The following CD200R1L variants were observed in gnomAD, a reference collection of about 807,000 sequenced individuals.
The protein encoded by CD200R1L is CD200 receptor 1 like.
CD200R1L carries 14 observed loss-of-function variants against 24.8 expected under a neutral mutation model. The observed-to-expected ratio is 0.56, with a 90% CI of 0.37 to 0.88. The LOEUF is 0.88. Among genes scored for constraint, CD200R1L ranks in the 40% least tolerant of loss-of-function variants. CD200R1L has a pLI of 0.00. For missense variants in CD200R1L, 299 were observed against 297.8 expected (o/e 1.00, Z -0.03); for synonymous variants, 111 against 109.2 (o/e 1.02, Z -0.11).
chr3:112,845,258 C>A (rs952721437), intron 2 of CD200R1L, among the ~76,000 whole-genome samples: 1 of 152,180 alleles, frequency 6.6e-6, no homozygotes, highest in African/African-American at 2.4e-5. Context: ...ATTATAAACA[C>A]CTCTATGCAC....
intron 3 of CD200R1L, among the ~76,000 whole-genome samples, chr3:112,837,125 AT>A (rs1396646373): frequency 6.6e-6 from 1 of 152,184 alleles, no homozygotes; most frequent in Non-Finnish European, 1.5e-5. Flanking sequence ...CCACTAGAAC[AT>A]TTATTTCATG....
At chr3:112,843,863 A>G (rs1208502550) in intron 2 of CD200R1L, among the ~76,000 whole-genome samples, 5 of 152,340 alleles carry the variant, frequency 3.3e-5, no homozygotes, top group Non-Finnish European at 5.9e-5. Context: ...AAAAAGATCT[A>G]TCACACAAAC....
At chr3:112,817,076 A>G (rs1162932580) in intron 7 of CD200R1L, among the ~76,000 whole-genome samples, 7 of 152,114 alleles carry the variant, frequency 4.6e-5, no homozygotes, top group African/African-American at 1.4e-4. Context: ...CCAGGTAACA[A>G]GCAATCTCTG....
At position 112,827,473 on chromosome 3, in the gene CD200R1L, C is replaced by A. The variant is rs142213153; in HGVS notation, c.261G>T (p.Ser87=). The change falls in exon 5 of 8, where the codon TCG becomes TCT. Residue 87 remains serine, a synonymous_variant. Coordinates refer to ENST00000488794, the MANE Select transcript of CD200R1L (RefSeq NM_001199215.3). ...TGTCCACCGGACGAATCTGAAGGTC[C>A]GAATTCTGATCAGGTCTAGAGACCC... The part of the protein sequence containing the change: ...ITWVSRPDQN[S]DLQIRPVDTT... 6.2e-6 allele frequency: 10 copies of A among 1,614,096 alleles called. No homozygotes were observed. The highest frequency in any genetic ancestry group is 8.5e-6 in the Non-Finnish European group (10 of 1,180,014).
chr3:112,819,745 T>A (rs763346886), intron 7 of CD200R1L, 27 bp downstream of exon 7: 5 of 1,578,164 alleles, frequency 3.2e-6, no homozygotes, highest in Non-Finnish European at 4.3e-6. Flanking sequence ...CTACTGTGTC[T>A]TATGCTTTTC....
intron 7 of CD200R1L, among the ~76,000 whole-genome samples, chr3:112,817,222 G>GTA (rs1228498582): frequency 6.6e-6 from 1 of 151,596 alleles, no homozygotes; most frequent in African/African-American, 2.4e-5. Flanking sequence ...ATTATATATA[G>GTA]TATATATATA....
At chr3:112,839,387 G>A (rs115263202) in intron 2 of CD200R1L, among the ~76,000 whole-genome samples, 6 of 152,340 alleles carry the variant, frequency 3.9e-5, no homozygotes, top group African/African-American at 1.4e-4. Context: ...CAAGGTCTGA[G>A]TGATCATGTA....
At chr3:112,833,258 G>A (rs897986450) in intron 3 of CD200R1L, among the ~76,000 whole-genome samples, 1 of 152,156 alleles carries the variant, frequency 6.6e-6, no homozygotes, top group African/African-American at 2.4e-5. Flanking sequence ...TCTGTAACAG[G>A]TCCATGCTAC....
rs754546452 is a variant in CD200R1L at position 112,827,362 on chromosome 3, C to T, written c.367+5G>A. 2 of 1,611,572 alleles carry T rather than the reference C, an allele frequency of 1.2e-6. No individual in the cohort carries two copies. The highest frequency in any genetic ancestry group is 2.2e-5 in the South Asian group (2 of 90,498). ...TGAAATACCTCAGTATGTGATGCTC[C>T]TTACCTAACACTTGGAGGTGATATC... On this transcript the variant is annotated splice_donor_5th_base_variant and intron_variant, in intron 5 of 7. Transcript: ENST00000488794.
chr3:112,839,789 C>T (rs1278653845), intron 2 of CD200R1L, among the ~76,000 whole-genome samples: 1 of 152,110 alleles, frequency 6.6e-6, no homozygotes, highest in Admixed American at 6.5e-5. Context: ...TAGAAGCAGC[C>T]CTCCCACCCC....
At chr3:112,833,581 G>A (rs1938863685) in intron 3 of CD200R1L, among the ~76,000 whole-genome samples, 1 of 152,148 alleles carries the variant, frequency 6.6e-6, no homozygotes, top group South Asian at 2.1e-4. Flanking sequence ...AAAGTAAAGT[G>A]GACCCAGTAG....
chr3:112,835,554 T>C (rs1938919573), intron 3 of CD200R1L, among the ~76,000 whole-genome samples: 1 of 152,204 alleles, frequency 6.6e-6, no homozygotes, highest in South Asian at 2.1e-4. Context: ...CAATTTCAGT[T>C]TGCGGGACCA....
At chr3:112,845,615 T>C in intron 2 of CD200R1L, 64 bp downstream of exon 2, 2 of 1,259,540 alleles carry the variant, frequency 1.6e-6, no homozygotes, top group South Asian at 1.2e-5. Flanking sequence ...AGATCAAGAG[T>C]ATCCTCATAA....
At chr3:112,845,319 C>A (rs770898750) in intron 2 of CD200R1L, among the ~76,000 whole-genome samples, 31 of 152,304 alleles carry the variant, frequency 2.0e-4, no homozygotes, top group Admixed American at 3.3e-4. Context: ...AAATACACAA[C>A]CTCCCAAGAT....
At chr3:112,838,106 G>A in intron 2 of CD200R1L, 96 bp from the exon 3 acceptor site, 1 of 343,992 alleles carries the variant, frequency 2.9e-6, no homozygotes. Context: ...GATAATCACA[G>A]AAAACAACAT....
Position 112,819,865 on chromosome 3 carries a change from G to C in CD200R1L, c.647C>G (p.Ser216Cys), listed in dbSNP as rs979545045. The C allele has an allele frequency of 6.2e-7, 1 of 1,609,268 alleles. No homozygotes were observed. Among genetic ancestry groups the C allele is most frequent in the African/African-American group, 1.3e-5 (1 of 74,554 alleles). Residue 216 changes from serine (S) to cysteine (C), a missense_variant, in exon 7 of 8, where the codon TCC becomes TGC. Transcript: ENST00000488794. ...TTTCACATAAAGAATGATCAGTAAG[G>C]ACAACGCTGGAGATCCTGAGGTTCT... Reference protein sequence around the residue: ...GLRTSGSPALSLLIILYVKLS... With the variant: ...GLRTSGSPALCLLIILYVKLS...
At chr3:112,835,271 T>C (rs1048193503) in intron 3 of CD200R1L, among the ~76,000 whole-genome samples, 6 of 152,118 alleles carry the variant, frequency 3.9e-5, no homozygotes, top group Non-Finnish European at 7.4e-5. Flanking sequence ...CTGATGAGTG[T>C]TTGGTTCCTA....
At chr3:112,829,668 A>G (rs993804176) in intron 3 of CD200R1L, 2 of 392,302 alleles carry the variant, frequency 5.1e-6, no homozygotes, top group East Asian at 1.6e-4. Context: ...GCCTCCCCCT[A>G]TTCCTCCTTC....
At chr3:112,846,095 G>C (rs540229883) in intron 1 of CD200R1L, 145 bp from the exon 2 acceptor site, 1 of 186,632 alleles carries the variant, frequency 5.4e-6, no homozygotes, top group Non-Finnish European at 1.1e-5. Flanking sequence ...AACAAATCTT[G>C]AGTGTATGGT....
Sources: allele counts gnomAD v4.1 joint callset (sites outside exome capture counted in the v4.1 genomes callset), GRCh38; gene constraint gnomAD v4.1.1; transcripts MANE v1.5; gene names NCBI Gene and HGNC (gene_info 2026-07-23, HGNC 2026-07-21).